Variants in SCML2 observed in about 807,000 individuals in gnomAD.
SCML2 encodes the protein Scm polycomb group protein like 2, also known as sex comb on midleg-like protein 2.
Under a neutral mutation model 48.4 loss-of-function variants are expected in SCML2, and 6 were observed. The observed-to-expected ratio is 0.12, with a 90% confidence interval of 0.07 to 0.24. SCML2 has a LOEUF of 0.24. Ranked by LOEUF, SCML2 falls within the 10% of genes least tolerant of loss-of-function variation. The pLI is 1.00. For synonymous variants in SCML2, 181 were observed against 189.5 expected (o/e 0.95, Z 0.37); for missense variants, 377 against 528.2 (o/e 0.71, Z 2.81).
chrX:18,282,532 T>TG (rs780829088), intron 7 of SCML2, among the ~76,000 whole-genome samples: 2 of 110,248 alleles, frequency 1.8e-5, no homozygotes, highest in East Asian at 5.8e-4. Flanking sequence ...CAGCTACTTG[T>TG]GGGGCTGAGG....
intron 6 of SCML2, among the ~76,000 whole-genome samples, chrX:18,311,055 T>C (rs1211738335): frequency 7.1e-5 from 8 of 111,975 alleles, no homozygotes; most frequent in Non-Finnish European, 1.5e-4. Context: ...TTTCCCCAAG[T>C]AGAAAGTAAG....
rs771057318 is a variant in SCML2 at position 18,343,817 on chromosome X, A to G, written c.-24-9722T>C. Reference sequence around the variant, plus strand: ...GAAAAAAAAACCTGGGCCGGATTACAATCACACCTGTAATCCCAGCACTAT... The same window carrying G: ...GAAAAAAAAACCTGGGCCGGATTACGATCACACCTGTAATCCCAGCACTAT... On this transcript the variant is annotated intron_variant, in intron 1 of 14. Transcript: ENST00000251900. Among the ~76,000 whole-genome samples the G allele has an allele frequency of 4.8e-5, 5 of 103,993 alleles. No homozygotes were observed. The East Asian group carries it at 1.5e-3, about 31-fold the overall frequency. 90.3% of individuals were successfully genotyped at this position (103,993 alleles called of 115,157 possible).
At chrX:18,352,175 T>G (rs901862063) in intron 1 of SCML2, among the ~76,000 whole-genome samples, 5 of 111,980 alleles carry the variant, frequency 4.5e-5, no homozygotes, top group African/African-American at 9.7e-5. Context: ...GCTCAGAGAT[T>G]TCTGCAACAT....
At chrX:18,260,122 C>T (rs775663661) in intron 9 of SCML2, 49 bp downstream of exon 9, 1 of 922,284 alleles carries the variant, frequency 1.1e-6, no homozygotes, top group Non-Finnish European at 1.5e-6. Flanking sequence ...GAAAATAATA[C>T]AGGATAAAAG....
chrX:18,246,168 C>A (rs1403938115), intron 13 of SCML2, among the ~76,000 whole-genome samples: 1 of 112,074 alleles, frequency 8.9e-6, no homozygotes, highest in African/African-American at 3.2e-5. Flanking sequence ...GATGCCAGCC[C>A]GAATCCAGGA....
At chrX:18,320,488 A>G in intron 5 of SCML2, 68 bp from the exon 6 acceptor site, 1 of 673,269 alleles carries the variant, frequency 1.5e-6, no homozygotes. Flanking sequence ...AGTTGGTATA[A>G]AAAATAGGTT....
At chrX:18,320,660 T>G (rs1039880741) in intron 5 of SCML2, among the ~76,000 whole-genome samples, 10 of 111,213 alleles carry the variant, frequency 9.0e-5, no homozygotes, top group Non-Finnish European at 1.9e-4. Flanking sequence ...GAGAAGTCAC[T>G]AGCTAGAATT....
chrX:18,334,042 A>C lies in SCML2; in HGVS notation c.22+8T>G. On this transcript the variant is annotated splice_region_variant and intron_variant, in intron 2 of 14. Coordinates refer to ENST00000251900, the MANE Select transcript of SCML2 (RefSeq NM_006089.3). ...AAAACATTATTGCCTTTAACAAGTA[A>C]ATCTTACCTTCATTCACTGTTTGTC... is the stretch of plus-strand genomic sequence containing the variant. The C allele has an allele frequency of 1.7e-6, 2 of 1,194,361 alleles. No homozygotes were observed. Among genetic ancestry groups the C allele is most frequent in the Non-Finnish European group, 2.3e-6 (2 of 885,871 alleles).
intron 10 of SCML2, 117 bp downstream of exon 10, chrX:18,257,927 G>C (rs1328439073): frequency 6.8e-6 from 3 of 439,723 alleles, no homozygotes; most frequent in Non-Finnish European, 1.2e-5. Flanking sequence ...CGGGGGAGGG[G>C]GAAGGGGAGG....
Position 18,247,841 on chromosome X carries a change from G to A in SCML2, c.1498C>T (p.Pro500Ser), listed in dbSNP as rs1437938456. The A allele has an allele frequency of 1.7e-6, 2 of 1,209,118 alleles. No individual in the cohort carries two copies. The highest frequency in any genetic ancestry group is 2.2e-6 in the Non-Finnish European group (2 of 894,527). The change falls in exon 12 of 15, where the codon CCT becomes TCT. Residue 500 changes from proline (P) to serine (S), a missense_variant. By Grantham distance (74) the Pro-to-Ser change is moderately conservative. Around this residue, in one of 3 missense-constraint regions of SCML2, gnomAD observed 299 missense variants for 425.5 expected, o/e 0.70. Coordinates refer to ENST00000251900, the MANE Select transcript of SCML2 (RefSeq NM_006089.3). ...VTERQSTKRS[P>S]QQTVPYVVPL... ...ACAACATATGGTACAGTTTGCTGAG[G>A]AGATCGTTTGGTGCTTTGCCTTTCT...
At chrX:18,242,002 G>A (rs967821055) in intron 14 of SCML2, among the ~76,000 whole-genome samples, 3 of 111,836 alleles carry the variant, frequency 2.7e-5, no homozygotes, top group African/African-American at 9.7e-5. Flanking sequence ...CATATTATTT[G>A]GTATTTGTGA....
At chrX:18,333,876 G>A (rs777400907) in intron 2 of SCML2, among the ~76,000 whole-genome samples, 174 bp downstream of exon 2, 15 of 111,740 alleles carry the variant, frequency 1.3e-4, no homozygotes, top group Non-Finnish European at 2.6e-4. Context: ...TAACTAGCAA[G>A]GAAAGACAAT....
chrX:18,257,947 A>C, intron 10 of SCML2, 97 bp downstream of exon 10: 1 of 463,714 alleles, frequency 2.2e-6, no homozygotes, highest in Non-Finnish European at 3.6e-6. Flanking sequence ...GGGAAAGGGG[A>C]AGGGGAGAGG....
At chrX:18,321,053 ATAAAG>A (rs914609732) in intron 5 of SCML2, among the ~76,000 whole-genome samples, 4 of 111,952 alleles carry the variant, frequency 3.6e-5, no homozygotes, top group African/African-American at 1.3e-4. Context: ...CAGATATGTG[ATAAAG>A]TAAATATAAT....
intron 7 of SCML2, among the ~76,000 whole-genome samples, chrX:18,295,415 G>A (rs919511994): frequency 1.8e-5 from 2 of 112,130 alleles, no homozygotes; most frequent in Non-Finnish European, 3.8e-5. Context: ...CCAGCCTGCC[G>A]CTGTCATCTC....
chrX:18,300,115 C>A (rs1737268554), intron 7 of SCML2, among the ~76,000 whole-genome samples: 1 of 111,145 alleles, frequency 9.0e-6, no homozygotes, highest in African/African-American at 3.3e-5. Context: ...ATGGCAACTT[C>A]TTGGCCAGGC....
At chrX:18,294,180 G>A (rs1928316816) in intron 7 of SCML2, among the ~76,000 whole-genome samples, 1 of 111,870 alleles carries the variant, frequency 8.9e-6, no homozygotes, top group African/African-American at 3.3e-5. Flanking sequence ...CAAGATGGCT[G>A]ACTGGAGGCT....
intron 7 of SCML2, among the ~76,000 whole-genome samples, chrX:18,291,050 A>T (rs1446504605): frequency 2.7e-5 from 3 of 111,916 alleles, no homozygotes; most frequent in Non-Finnish European, 5.6e-5. Context: ...AAGAGGGGGG[A>T]GCACGTTGAA....
At chrX:18,304,580 A>G (rs747600442) in intron 7 of SCML2, among the ~76,000 whole-genome samples, 75 of 112,388 alleles carry the variant, frequency 6.7e-4, no homozygotes, top group African/African-American at 2.0e-3. Context: ...AACAGTTGTT[A>G]AGCCCAGTCT....
Sources: gnomAD v4.1 joint callset for allele counts (sites outside exome capture counted in the v4.1 genomes callset) on GRCh38, gnomAD v4.1.1 for gene constraint, gnomAD v4.1.1 regional missense constraint, MANE v1.5 for transcripts, NCBI Gene and HGNC (gene_info 2026-07-23, HGNC 2026-07-21) for gene names.